The following ITFG1 variants were observed in gnomAD, a reference collection of about 807,000 sequenced individuals.
The protein encoded by ITFG1 is integrin alpha FG-GAP repeat containing 1, also known as T-cell immunomodulatory protein.
A neutral mutation model predicts 81.8 loss-of-function variants in ITFG1; 34 were observed. The observed-to-expected ratio is 0.42, with a 90% CI of 0.32 to 0.55. The LOEUF (loss-of-function observed/expected upper bound fraction) is 0.55. Ranked by LOEUF, ITFG1 falls within the 20% of genes least tolerant of loss-of-function variation. The pLI is 0.17. For missense variants in ITFG1, 672 were observed against 755.4 expected (o/e 0.89, Z 1.29); for synonymous variants, 285 against 270.6 (o/e 1.05, Z -0.52).
chr16:47,372,646 G>A (rs1968272325), intron 7 of ITFG1, among the ~76,000 whole-genome samples: 1 of 151,878 alleles, frequency 6.6e-6, no homozygotes, highest in South Asian at 2.1e-4. Context: ...TAGAGATGGG[G>A]TTTCACCAGC....
Position 47,178,642 on chromosome 16 carries a change from A to T in ITFG1, c.1454-15978T>A, listed in dbSNP as rs1057276063. 1.2e-4 allele frequency among the ~76,000 whole-genome samples: 18 copies of T among 152,312 alleles called. No homozygotes were observed. The South Asian group carries it at 1.2e-3, about 11-fold the overall frequency. On this transcript the variant is annotated intron_variant, in intron 14 of 17. Transcript: ENST00000320640. The stretch of plus-strand genomic sequence containing the variant: ...AAAACCCTAGAAGAAAACCTAGGCA[A>T]TACCATTCAGGACATAGCTATGGGC...
intron 14 of ITFG1, among the ~76,000 whole-genome samples, chr16:47,201,281 T>A (rs1468218651): frequency 6.6e-6 from 1 of 151,492 alleles, no homozygotes; most frequent in East Asian, 1.9e-4. Flanking sequence ...AGATCTTGGC[T>A]CACTGCAAGC....
chr16:47,326,371 T>C (rs1596897217), intron 8 of ITFG1, among the ~76,000 whole-genome samples: 1 of 152,210 alleles, frequency 6.6e-6, no homozygotes, highest in South Asian at 2.1e-4. Flanking sequence ...AATATCATAC[T>C]GAATGGACAA....
chr16:47,440,289 T>C (rs1204964581), intron 5 of ITFG1, among the ~76,000 whole-genome samples: 1 of 151,876 alleles, frequency 6.6e-6, no homozygotes, highest in East Asian at 1.9e-4. Context: ...AAACAGAAAG[T>C]AAACAAGGAT....
chr16:47,281,184 A>T (rs1966447913), intron 10 of ITFG1, among the ~76,000 whole-genome samples: 2 of 152,146 alleles, frequency 1.3e-5, no homozygotes, highest in Non-Finnish European at 1.5e-5. Context: ...CAGAATCCTT[A>T]ACAAATGTAG....
chr16:47,456,149 A>G lies in ITFG1; in HGVS notation c.282-1991T>C, dbSNP rs1969450019. On this transcript the variant is annotated intron_variant, in intron 2 of 17. Coordinates refer to ENST00000320640, the MANE Select transcript of ITFG1 (RefSeq NM_030790.5). ...CAGGATTAGGTGCCTACAGTGAGCTATGACTGTGTGACTGCACTCCTTTTT... is the reference window on the plus strand; with the variant it reads ...CAGGATTAGGTGCCTACAGTGAGCTGTGACTGTGTGACTGCACTCCTTTTT... Among the ~76,000 whole-genome samples the G allele has an allele frequency of 2.6e-5, 4 of 152,034 alleles. No individual in the cohort carries two copies. The South Asian group carries it at 8.3e-4, about 32-fold the overall frequency.
At chr16:47,310,132 A>G (rs956259113) in intron 10 of ITFG1, among the ~76,000 whole-genome samples, 2 of 152,226 alleles carry the variant, frequency 1.3e-5, no homozygotes, top group African/African-American at 4.8e-5. Flanking sequence ...ATGCAGAGAC[A>G]TTATAATTTC....
chr16:47,289,582 T>C (rs768446209), intron 10 of ITFG1, among the ~76,000 whole-genome samples: 4 of 152,186 alleles, frequency 2.6e-5, no homozygotes, highest in Non-Finnish European at 4.4e-5. Context: ...CTTGGTGGAT[T>C]GTATGTGTAC....
At position 47,412,632 on chromosome 16, in the gene ITFG1, T is replaced by C. The variant is rs1169382683; in HGVS notation, c.655+16172A>G. Among the ~76,000 whole-genome samples, 3 of 149,468 alleles carry C rather than the reference T, an allele frequency of 2.0e-5. No homozygotes were observed. The South Asian group carries it at 6.3e-4, about 32-fold the overall frequency. On this transcript the variant is annotated intron_variant, in intron 6 of 17. Coordinates refer to ENST00000320640, the MANE Select transcript of ITFG1 (RefSeq NM_030790.5). ...TCACTTGAACCCAAGGAGGTGGAGGTTGCAGTGAGCCAAGATTTGCGCCAC... is the reference window on the plus strand; with the variant it reads ...TCACTTGAACCCAAGGAGGTGGAGGCTGCAGTGAGCCAAGATTTGCGCCAC...
chr16:47,220,314 C>T (rs924456224), intron 13 of ITFG1, among the ~76,000 whole-genome samples: 1 of 152,224 alleles, frequency 6.6e-6, no homozygotes, highest in Non-Finnish European at 1.5e-5. Flanking sequence ...TAAGACATCT[C>T]GCGTTTTACA....
At chr16:47,297,621 T>A (rs1967002884) in intron 10 of ITFG1, among the ~76,000 whole-genome samples, 1 of 151,844 alleles carries the variant, frequency 6.6e-6, no homozygotes, top group Non-Finnish European at 1.5e-5. Flanking sequence ...AATTCCTGAT[T>A]GACAGTTTGC....
chr16:47,361,663 C>G (rs1036433267), intron 8 of ITFG1, among the ~76,000 whole-genome samples: 1 of 152,094 alleles, frequency 6.6e-6, no homozygotes, highest in African/African-American at 2.4e-5. Context: ...CCAGTAGCAG[C>G]AAGTATTTAT....
chr16:47,262,803 T>TC (rs1304489206), intron 10 of ITFG1: 1 of 152,426 alleles, frequency 6.6e-6, no homozygotes, highest in Non-Finnish European at 1.5e-5. Flanking sequence ...GTCCAGGGAG[T>TC]CCCACTGATG....
At position 47,216,152 on chromosome 16, in the gene ITFG1, A is replaced by AG. The variant is rs533864247; in HGVS notation, c.1453+2715dup. 7.5e-3 allele frequency among the ~76,000 whole-genome samples: 1,145 copies of AG among 152,246 alleles called. 19 individuals are homozygous for AG. The highest frequency in any genetic ancestry group is 0.026 in the African/African-American group (1,085 of 41,542). On this transcript the variant is annotated intron_variant, in intron 14 of 17. Transcript: ENST00000320640. Reference sequence around the variant, plus strand: ...AGTTCAATACTAGTTGCCAATGTCTAGTTTGCAGTATAAGTTTGGTGAAAA... The same window carrying AG: ...AGTTCAATACTAGTTGCCAATGTCTAGGTTTGCAGTATAAGTTTGGTGAAAA...
At chr16:47,327,790 A>T (rs1365107211) in intron 8 of ITFG1, among the ~76,000 whole-genome samples, 1 of 152,226 alleles carries the variant, frequency 6.6e-6, no homozygotes, top group Non-Finnish European at 1.5e-5. Flanking sequence ...ATCTCACACC[A>T]GTTAGAATGG....
chr16:47,318,645 A>C (rs1035000911), intron 8 of ITFG1, among the ~76,000 whole-genome samples: 1 of 152,122 alleles, frequency 6.6e-6, no homozygotes, highest in African/African-American at 2.4e-5. Context: ...ATCTATGCTT[A>C]TTTACTGTAT....
intron 6 of ITFG1, among the ~76,000 whole-genome samples, chr16:47,408,659 G>C (rs1415898160): frequency 3.9e-5 from 6 of 152,118 alleles, no homozygotes; most frequent in Non-Finnish European, 7.4e-5. Context: ...GTGGTGCTCA[G>C]AGAGACAGTT....
intron 8 of ITFG1, among the ~76,000 whole-genome samples, chr16:47,333,705 G>A (rs1264021189): frequency 6.6e-6 from 1 of 152,170 alleles, no homozygotes; most frequent in Admixed American, 6.5e-5. Flanking sequence ...GTATGTTACC[G>A]TACTTCCCTA....
At chr16:47,315,634 A>G (rs1258145384) in intron 8 of ITFG1, among the ~76,000 whole-genome samples, 2 of 152,156 alleles carry the variant, frequency 1.3e-5, no homozygotes, top group Admixed American at 6.5e-5. Flanking sequence ...ACAACTACCT[A>G]GTAAACATAT....
Sources: allele counts gnomAD v4.1 joint callset (sites outside exome capture counted in the v4.1 genomes callset), GRCh38; gene constraint gnomAD v4.1.1; transcripts MANE v1.5; gene names NCBI Gene and HGNC (gene_info 2026-07-23, HGNC 2026-07-21).